Variants in FRK observed in about 807,000 individuals in gnomAD.
FRK encodes the protein tyrosine-protein kinase FRK.
In FRK, 51 loss-of-function variants were observed where a neutral mutation model predicts 56.4. The observed-to-expected ratio is 0.90, with a 90% CI of 0.72 to 1.14. The LOEUF (loss-of-function observed/expected upper bound fraction) is 1.14, where lower values mean the gene tolerates loss of function less well. Among genes scored for constraint, FRK ranks in the 50% most tolerant of loss-of-function variants. The pLI, the probability that FRK is intolerant of heterozygous loss-of-function variation, is 0.00. For missense variants in FRK, 570 were observed against 601.4 expected (o/e 0.95, Z 0.55); for synonymous variants, 245 against 217.9 (o/e 1.12, Z -1.10).
chr6:116,087,414 C>G, the FRK span, among the ~76,000 whole-genome samples: 1 of 152,234 alleles, frequency 6.6e-6, no homozygotes, highest in Non-Finnish European at 1.5e-5. Context: ...GCCCTGCCCT[C>G]TGCACCCTAG....
chr6:116,055,566 C>A (rs955982410), intron 1 of FRK, among the ~76,000 whole-genome samples: 8 of 152,204 alleles, frequency 5.3e-5, no homozygotes, highest in Non-Finnish European at 1.2e-4. Flanking sequence ...CTCCTACCCA[C>A]AAAGGTATGC....
rs75972843 is a variant in FRK at position 115,967,481 on chromosome 6, A to G, written c.799+70T>C. 3.4e-3 allele frequency: 4,911 copies of G among 1,454,598 alleles called. 84 individuals carry two copies. The African/African-American group carries it at 0.045, about 13-fold the overall frequency. The allele number at this position is 1,454,598 out of a possible 1,614,324, so 90.1% of individuals were successfully genotyped here. ...AGTATTAGCCACCCTATGACCTCTT[A>G]GATATTTACAGTGTTAAATTGAGCT... On this transcript the variant is annotated intron_variant, in intron 4 of 7. Transcript: ENST00000606080.
intron 1 of FRK, among the ~76,000 whole-genome samples, chr6:116,011,996 C>T (rs556376721): frequency 3.9e-5 from 6 of 152,290 alleles, no homozygotes; most frequent in Admixed American, 3.3e-4. Context: ...AAAAATAATG[C>T]TCGCAATTAT....
chr6:116,052,845 G>T (rs1562307119), intron 1 of FRK, among the ~76,000 whole-genome samples: 1 of 152,160 alleles, frequency 6.6e-6, no homozygotes, highest in Non-Finnish European at 1.5e-5. Flanking sequence ...TCAGACTAGA[G>T]TGGGGGTGTA....
the FRK span, among the ~76,000 whole-genome samples, chr6:116,098,715 T>G: frequency 1.3e-4 from 20 of 152,208 alleles, no homozygotes; most frequent in Non-Finnish European, 2.6e-4. Context: ...CTGTGGCATT[T>G]TATCAGTAAG....
At chr6:115,960,405 A>G (rs1029632911) in intron 4 of FRK, among the ~76,000 whole-genome samples, 11 of 150,634 alleles carry the variant, frequency 7.3e-5, no homozygotes, top group South Asian at 2.1e-4. Context: ...CGCCCACGGA[A>G]TCTCGCTGAT....
At chr6:116,021,428 T>G (rs1030640497) in intron 1 of FRK, among the ~76,000 whole-genome samples, 29 of 152,104 alleles carry the variant, frequency 1.9e-4, no homozygotes, top group Non-Finnish European at 5.9e-5. Flanking sequence ...TCACCTATAA[T>G]GGTTGATCAT....
chr6:116,032,116 C>T (rs1776322787), intron 1 of FRK, among the ~76,000 whole-genome samples: 1 of 152,044 alleles, frequency 6.6e-6, no homozygotes, highest in Admixed American at 6.6e-5. Flanking sequence ...AACTGTGTAT[C>T]ATTTCTCAGA....
At chr6:116,030,652 G>A (rs1018551736) in intron 1 of FRK, among the ~76,000 whole-genome samples, 3 of 152,134 alleles carry the variant, frequency 2.0e-5, no homozygotes, top group African/African-American at 7.2e-5. Context: ...TGCATTTGGG[G>A]AGGGTGTGGA....
upstream of FRK, among the ~76,000 whole-genome samples, chr6:116,061,647 C>T (rs531002872): frequency 1.4e-4 from 22 of 152,232 alleles, no homozygotes; most frequent in African/African-American, 5.1e-4. Context: ...TTCCCTAGTT[C>T]GGAGCAGCTG....
At chr6:116,059,209 T>C (rs1446133593) in intron 1 of FRK, among the ~76,000 whole-genome samples, 1 of 152,174 alleles carries the variant, frequency 6.6e-6, no homozygotes, top group African/African-American at 2.4e-5. Flanking sequence ...AATAAGTACA[T>C]AAAAACTTTC....
chr6:115,958,701 AAAG>A (rs370017146), intron 4 of FRK, among the ~76,000 whole-genome samples: 2,723 of 8,898 alleles, frequency 0.31, 505 homozygotes, highest in Middle Eastern at 0.5. Flanking sequence ...AGAAAGAAAG[AAAG>A]AAGAAAGAAA....
intron 2 of FRK, among the ~76,000 whole-genome samples, chr6:115,976,286 C>G (rs1210730962): frequency 1.3e-5 from 2 of 152,126 alleles, no homozygotes; most frequent in Non-Finnish European, 2.9e-5. Context: ...TCAAAGAACT[C>G]TGCCCCAATT....
chr6:115,955,318 G>A (rs1028385645), intron 5 of FRK, among the ~76,000 whole-genome samples: 3 of 152,048 alleles, frequency 2.0e-5, no homozygotes, highest in Admixed American at 6.6e-5. Flanking sequence ...AAATGCTGTC[G>A]ATAGATCTGA....
intron 4 of FRK, among the ~76,000 whole-genome samples, chr6:115,959,375 T>C (rs1425011001): frequency 6.6e-6 from 1 of 152,140 alleles, no homozygotes; most frequent in Non-Finnish European, 1.5e-5. Context: ...AAGGGCTTCC[T>C]TAGAGAACAA....
chr6:115,976,113 G>A (rs189705684), intron 2 of FRK, among the ~76,000 whole-genome samples: 44 of 152,086 alleles, frequency 2.9e-4, no homozygotes, highest in Non-Finnish European at 5.6e-4. Flanking sequence ...ATATATAGTT[G>A]GTGACAGATA....
chr6:115,933,681 G>A lies in FRK; in HGVS notation c.*8733C>T, dbSNP rs1444535722. 2 of 151,902 alleles carry A rather than the reference G, an allele frequency of 1.3e-5. No individual in the cohort carries two copies. The highest frequency in any genetic ancestry group is 2.9e-5 in the Non-Finnish European group (2 of 67,954). The allele number at this position is 151,902 out of a possible 1,614,324, so 9.4% of individuals were successfully genotyped here. A position where few individuals can be genotyped will look rare whatever the true frequency, so the allele number is the denominator to read the frequency against. ...GTGGCTGAATTTGCATATTGAAATG[G>A]GAATATTTCTATTCATTTCTATATG... On this transcript the variant is annotated 3_prime_UTR_variant, in exon 8 of 8. Coordinates refer to ENST00000606080, the MANE Select transcript of FRK (RefSeq NM_002031.3).
At position 116,060,769 on chromosome 6, in the gene FRK, C is replaced by T. The variant is rs1417855088; in HGVS notation, c.-458G>A. 1 of 161,038 alleles carries T rather than the reference C, an allele frequency of 6.2e-6. No individual in the cohort carries two copies. Among genetic ancestry groups the T allele is most frequent in the Non-Finnish European group, 1.4e-5 (1 of 73,528 alleles). The allele number at this position is 161,038 out of a possible 1,614,324, so 10.0% of individuals were successfully genotyped here. On this transcript the variant is annotated 5_prime_UTR_variant, in exon 1 of 8. Transcript: ENST00000606080. ...CTTGCTTTCGCCAGGAGCTCTCCCC[C>T]TGTTTCAAGTCTGTTCCTGTCTTTC... is the stretch of plus-strand genomic sequence containing the variant.
intron 2 of FRK, among the ~76,000 whole-genome samples, chr6:115,991,923 G>A (rs1003188143): frequency 7.3e-5 from 11 of 151,336 alleles, no homozygotes; most frequent in African/African-American, 2.4e-4. Context: ...GTTGGTGGTA[G>A]ATTTTTTTAT....
Sources: allele counts gnomAD v4.1 joint callset (sites outside exome capture counted in the v4.1 genomes callset), GRCh38; gene constraint gnomAD v4.1.1; transcripts MANE v1.5; gene names NCBI Gene and HGNC (gene_info 2026-07-23, HGNC 2026-07-21).